Variants in TNIK observed in about 807,000 individuals in gnomAD.
The protein encoded by TNIK is TRAF2 and NCK interacting kinase.
In TNIK, 49 loss-of-function variants were observed where a neutral mutation model predicts 191.3. The observed-to-expected ratio is 0.26, with a 90% CI of 0.20 to 0.32. TNIK has a LOEUF of 0.32. TNIK is among the 10% of genes least tolerant of loss of function. The probability of loss-of-function intolerance (pLI) is 1.00; values close to 1 mark genes in which losing one functional copy is unlikely to be tolerated. For synonymous variants in TNIK, 594 were observed against 600.9 expected, an observed-to-expected ratio of 0.99 and a Z score of 0.17; for missense variants, 1,155 against 1,702.3, an observed-to-expected ratio of 0.68 and a Z score of 5.66.
chr3:171,210,136 G>C (rs1210512265), intron 4 of TNIK, among the ~76,000 whole-genome samples: 1 of 152,146 alleles, frequency 6.6e-6, no homozygotes, highest in Non-Finnish European at 1.5e-5. Context: ...CGACATGTGG[G>C]ATGAACAGAA....
At chr3:171,306,626 G>A (rs913153519) in intron 2 of TNIK, among the ~76,000 whole-genome samples, 6 of 152,058 alleles carry the variant, frequency 3.9e-5, no homozygotes, top group South Asian at 2.1e-4. Context: ...ACTCTTAAAC[G>A]TTTGGATTCC....
intron 2 of TNIK, among the ~76,000 whole-genome samples, chr3:171,249,175 C>T (rs1453236009): frequency 6.6e-6 from 1 of 152,176 alleles, no homozygotes; most frequent in African/African-American, 2.4e-5. Flanking sequence ...TAGTTAAGAA[C>T]CACTTTATCT....
chr3:171,127,404 A>G (rs1576901118), intron 16 of TNIK, among the ~76,000 whole-genome samples: 2 of 151,978 alleles, frequency 1.3e-5, no homozygotes, highest in African/African-American at 4.8e-5. Flanking sequence ...AGTATAAAAC[A>G]CAAACCCACT....
intron 2 of TNIK, chr3:171,346,988 G>T: frequency 3.1e-6 from 2 of 653,406 alleles, no homozygotes; most frequent in African/African-American, 1.8e-5. Context: ...GGAATGTAGG[G>T]GCTGCAAGGA....
At chr3:171,160,155 C>T (rs765519654) in intron 11 of TNIK, among the ~76,000 whole-genome samples, 4 of 152,240 alleles carry the variant, frequency 2.6e-5, no homozygotes, top group South Asian at 2.1e-4. Context: ...AAACCGGGGA[C>T]GGCCAACATG....
intron 1 of TNIK, among the ~76,000 whole-genome samples, chr3:171,419,275 C>T (rs886170009): frequency 2.0e-4 from 31 of 152,088 alleles, no homozygotes; most frequent in African/African-American, 7.2e-4. Context: ...TTGTATAAAT[C>T]TACTTAGAGT....
At chr3:171,412,069 C>G (rs1261881218) in intron 1 of TNIK, among the ~76,000 whole-genome samples, 2 of 152,194 alleles carry the variant, frequency 1.3e-5, no homozygotes, top group South Asian at 4.1e-4. Context: ...AACCATCCTA[C>G]TTGAGTTGTC....
At chr3:171,363,976 T>C (rs1158761659) in intron 2 of TNIK, among the ~76,000 whole-genome samples, 1 of 152,226 alleles carries the variant, frequency 6.6e-6, no homozygotes, top group Non-Finnish European at 1.5e-5. Context: ...TGAGTCAGCA[T>C]GGAAATCCTA....
chr3:171,342,993 C>A (rs578092852), intron 2 of TNIK, among the ~76,000 whole-genome samples: 19 of 152,330 alleles, frequency 1.2e-4, no homozygotes, highest in Non-Finnish European at 1.9e-4. Flanking sequence ...TTTGCTCCTC[C>A]TTTGCCTTCC....
At chr3:171,235,768 T>TGG (rs11325665) in intron 2 of TNIK, among the ~76,000 whole-genome samples, 66 of 146,332 alleles carry the variant, frequency 4.5e-4, no homozygotes, top group African/African-American at 1.6e-3. Flanking sequence ...TTTGTTTTGG[T>TGG]GGGGGGGGGG....
At chr3:171,306,901 A>T (rs1022816217) in intron 2 of TNIK, among the ~76,000 whole-genome samples, 1 of 152,184 alleles carries the variant, frequency 6.6e-6, no homozygotes, top group Non-Finnish European at 1.5e-5. Flanking sequence ...GGTGATGGGA[A>T]AAACCTCAGC....
intron 2 of TNIK, among the ~76,000 whole-genome samples, chr3:171,345,532 G>T (rs1409778725): frequency 6.6e-6 from 1 of 152,006 alleles, no homozygotes; most frequent in African/African-American, 2.4e-5. Context: ...AGTATCTATG[G>T]TTATGGATTT....
intron 2 of TNIK, among the ~76,000 whole-genome samples, chr3:171,289,897 G>A (rs1191427389): frequency 3.1e-4 from 36 of 115,690 alleles, no homozygotes; most frequent in Non-Finnish European, 5.0e-4. Context: ...GCCAGACTCC[G>A]TCTCAAAAAA....
Position 171,364,311 on chromosome 3 carries a change from C to T in TNIK, c.123+5309G>A, listed in dbSNP as rs1295460806. 1.3e-5 allele frequency among the ~76,000 whole-genome samples: 2 copies of T among 151,848 alleles called. 1 individual carries two copies. Among genetic ancestry groups the T allele is most frequent in the Middle Eastern group, 6.3e-3 (2 of 316 alleles). Reference sequence around the variant, plus strand: ...GTAAATTTCTAGCATAGTCTTGCTTCTGCAGACTACTGGTAATTCATTAAA... The same window carrying T: ...GTAAATTTCTAGCATAGTCTTGCTTTTGCAGACTACTGGTAATTCATTAAA... On this transcript the variant is annotated intron_variant, in intron 2 of 32. Coordinates refer to ENST00000436636, the MANE Select transcript of TNIK (RefSeq NM_015028.4).
intron 2 of TNIK, among the ~76,000 whole-genome samples, chr3:171,274,515 A>C (rs576320490): frequency 2.0e-4 from 31 of 152,326 alleles, no homozygotes; most frequent in African/African-American, 7.5e-4. Flanking sequence ...AAGTTAAGAA[A>C]AGTAAAGTAA....
intron 2 of TNIK, among the ~76,000 whole-genome samples, chr3:171,322,649 G>C (rs1755283033): frequency 6.6e-6 from 1 of 152,026 alleles, no homozygotes; most frequent in Non-Finnish European, 1.5e-5. Context: ...CACATATGCA[G>C]GTAGGCAAAC....
chr3:171,249,372 T>C (rs1189870199), intron 2 of TNIK, among the ~76,000 whole-genome samples: 2 of 152,192 alleles, frequency 1.3e-5, no homozygotes, highest in African/African-American at 4.8e-5. Context: ...TCTGTACAAA[T>C]GTAAATGGAG....
rs372771517 is a variant in TNIK at position 171,082,304 on chromosome 3, C to T, written c.3260G>A (p.Arg1087Gln). Reference sequence around the variant, plus strand: ...CTCTAGCACATCCATCTGCTGAAATCGCCTCCGGTTGATCAGATTATAGAC... The same window carrying T: ...CTCTAGCACATCCATCTGCTGAAATTGCCTCCGGTTGATCAGATTATAGAC... ...GKVYNLINRR[R>Q]FQQMDVLEGL... The change falls in exon 27 of 33, where the codon CGA (arginine) becomes CAA (glutamine). Residue 1087 changes from arginine (R) to glutamine (Q), a missense_variant. Arg to Gln is a conservative substitution (Grantham distance 43). Around this residue, in one of 3 missense-constraint regions of TNIK, gnomAD observed 195 missense variants for 415.4 expected, o/e 0.47. Coordinates refer to ENST00000436636, the MANE Select transcript of TNIK (RefSeq NM_015028.4). The T allele has an allele frequency of 1.3e-5, 21 of 1,613,674 alleles. No homozygotes were observed. The highest frequency in any genetic ancestry group is 5.0e-5 in the Admixed American group (3 of 59,976).
At chr3:171,283,069 A>T (rs1241645664) in intron 2 of TNIK, among the ~76,000 whole-genome samples, 1 of 152,138 alleles carries the variant, frequency 6.6e-6, no homozygotes, top group Non-Finnish European at 1.5e-5. Context: ...ACCTTTATCA[A>T]GGAATAATTT....
Sources: allele counts gnomAD v4.1 joint callset (sites outside exome capture counted in the v4.1 genomes callset), GRCh38; gene constraint gnomAD v4.1.1; regional missense constraint gnomAD v4.1.1; transcripts MANE v1.5; gene names NCBI Gene and HGNC (gene_info 2026-07-23, HGNC 2026-07-21).